Variants in CALCOCO2 observed in about 807,000 individuals in gnomAD.
CALCOCO2 encodes calcium-binding and coiled-coil domain-containing protein 2.
A neutral mutation model predicts 62.5 loss-of-function variants in CALCOCO2; 42 were observed. The ratio of observed to expected loss-of-function variants is 0.67; its 90% confidence interval spans 0.53 to 0.87. CALCOCO2 has a LOEUF of 0.87. Ranked by LOEUF, CALCOCO2 falls within the 40% of genes least tolerant of loss-of-function variation. CALCOCO2 has a pLI of 0.00. For synonymous variants in CALCOCO2, 167 were observed against 173.0 expected (o/e 0.97, Z 0.27); for missense variants, 456 against 515.0 (o/e 0.89, Z 1.11).
rs1567752459 is a variant in CALCOCO2, at chr17:48,845,323, GT to G, written c.181-2740del. On this transcript the variant is annotated intron_variant, in intron 2 of 12. Transcript: ENST00000258947. Reference sequence around the variant, plus strand: ...ACTATGCTAGGCCTATGTTGAGGGTGTGTGTGTGTGTGTGTGTGTGTGTGTG... The same window carrying G: ...ACTATGCTAGGCCTATGTTGAGGGTGGTGTGTGTGTGTGTGTGTGTGTGTG... Among the ~76,000 whole-genome samples, 14 of 81,648 alleles carry G rather than the reference GT, an allele frequency of 1.7e-4. No homozygotes were observed. In the East Asian group the frequency reaches 0.01, roughly 59 times the overall value. The allele number at this position is 81,648 out of a possible 152,430, so 53.6% of individuals were successfully genotyped here.
At chr17:48,850,802 C>T (rs547382012) in intron 5 of CALCOCO2, among the ~76,000 whole-genome samples, 1 of 151,948 alleles carries the variant, frequency 6.6e-6, no homozygotes, top group East Asian at 1.9e-4. Flanking sequence ...CCTGTAATCC[C>T]AGCACTTTGG....
At chr17:48,848,741 A>G in intron 4 of CALCOCO2, 2 of 559,296 alleles carry the variant, frequency 3.6e-6, no homozygotes, top group Non-Finnish European at 6.7e-6. Flanking sequence ...ATCTTATCAC[A>G]ATGGTAAATG....
chr17:48,852,573 A>C lies in CALCOCO2; in HGVS notation c.770A>C (p.Gln257Pro). Residue 257 changes from glutamine to proline, a missense_variant, in exon 8 of 13, where the codon CAG becomes CCG. This residue lies in a region of CALCOCO2 where 236 missense variants were observed against 225.3 expected (regional missense o/e 1.05). Transcript: ENST00000258947. ...LVQGDQDKTEQLEQLKKENDH... is the reference protein window; with the variant it reads ...LVQGDQDKTEPLEQLKKENDH... ...CAGGGAGATCAAGATAAGACAGAGC[A>C]GTTAGAGCAGCTGAAAAAGGAAAAT... 6.2e-7 allele frequency: 1 copy of C among 1,612,906 alleles called. No homozygotes were observed. Among genetic ancestry groups the C allele is most frequent in the Non-Finnish European group, 8.5e-7 (1 of 1,178,878 alleles).
intron 1 of CALCOCO2, among the ~76,000 whole-genome samples, chr17:48,840,059 C>T (rs1267105415): frequency 2.0e-5 from 3 of 152,134 alleles, no homozygotes; most frequent in Non-Finnish European, 4.4e-5. Flanking sequence ...AATCCTCTCA[C>T]CTCAGCCTCC....
intron 2 of CALCOCO2, among the ~76,000 whole-genome samples, chr17:48,845,389 G>GTT (rs2040037388): frequency 7.6e-6 from 1 of 132,292 alleles, no homozygotes; most frequent in Non-Finnish European, 1.6e-5. Context: ...GTGTGTGTGT[G>GTT]TGTGTGTGTG....
At chr17:48,845,006 C>G (rs1291595565) in intron 2 of CALCOCO2, among the ~76,000 whole-genome samples, 1 of 151,948 alleles carries the variant, frequency 6.6e-6, no homozygotes, top group East Asian at 2.0e-4. Context: ...CGTGGTGGCA[C>G]CCACCTGTAG....
At chr17:48,842,774 G>A (rs1316054105) in intron 2 of CALCOCO2, 1 of 152,034 alleles carries the variant, frequency 6.6e-6, no homozygotes, top group Admixed American at 6.6e-5. Context: ...CAGAGTAGCT[G>A]GGATTATAGG....
At chr17:48,835,403 G>A (rs1242743966) in intron 1 of CALCOCO2, among the ~76,000 whole-genome samples, 2 of 152,120 alleles carry the variant, frequency 1.3e-5, no homozygotes, top group Non-Finnish European at 2.9e-5. Flanking sequence ...CTTGGCAGAG[G>A]AGAATTTTAA....
intron 1 of CALCOCO2, among the ~76,000 whole-genome samples, chr17:48,838,163 G>A (rs995348642): frequency 2.0e-5 from 3 of 151,954 alleles, no homozygotes; most frequent in Admixed American, 6.6e-5. Flanking sequence ...TGAGAGGGTC[G>A]TGATCAATTG....
rs1359356449 is a variant in CALCOCO2, at chr17:48,860,412, A to G, written c.1107A>G (p.Arg369=). The change falls in exon 11 of 13, where the codon AGA becomes AGG. Residue 369 remains arginine, a synonymous_variant. Coordinates refer to ENST00000258947, the MANE Select transcript of CALCOCO2 (RefSeq NM_005831.5). The part of the protein sequence containing the change: ...QVPTSDEGGA[R]QNPGLAYGNP... ...CTACTTCAGATGAAGGAGGCGCAAGACAAAATCCAGGACTTGCCTATGGAA... is the reference window on the plus strand; with the variant it reads ...CTACTTCAGATGAAGGAGGCGCAAGGCAAAATCCAGGACTTGCCTATGGAA... 1 of 1,614,082 alleles carries G rather than the reference A, an allele frequency of 6.2e-7. No homozygotes were observed. Among genetic ancestry groups the G allele is most frequent in the South Asian group, 1.1e-5 (1 of 91,078 alleles).
At chr17:48,858,222 T>C (rs962779400) in intron 10 of CALCOCO2, among the ~76,000 whole-genome samples, 3 of 152,122 alleles carry the variant, frequency 2.0e-5, no homozygotes, top group East Asian at 3.8e-4. Flanking sequence ...TTTCTACTTT[T>C]GATTATATCA....
chr17:48,849,733 G>A (rs1462362026), intron 5 of CALCOCO2, among the ~76,000 whole-genome samples: 3 of 151,868 alleles, frequency 2.0e-5, no homozygotes, highest in Non-Finnish European at 4.4e-5. Flanking sequence ...CGCACTCCTG[G>A]CCTCAGGTGA....
chr17:48,840,092 T>G (rs2039956459), intron 1 of CALCOCO2, among the ~76,000 whole-genome samples: 1 of 152,120 alleles, frequency 6.6e-6, no homozygotes, highest in Non-Finnish European at 1.5e-5. Context: ...ACTACAGGCA[T>G]GCACTACCCT....
Position 48,856,162 on chromosome 17 carries a change from A to G in CALCOCO2, c.983A>G (p.Lys328Arg). 6.3e-7 allele frequency: 1 copy of G among 1,599,538 alleles called. No homozygotes were observed. The highest frequency in any genetic ancestry group is 8.6e-7 in the Non-Finnish European group (1 of 1,167,622). The change falls in exon 10 of 13, where the codon AAA becomes AGA. Residue 328 changes from lysine (K) to arginine (R), a missense_variant. Around this residue, in one of 3 missense-constraint regions of CALCOCO2, gnomAD observed 172 missense variants for 210.3 expected, o/e 0.82. Coordinates refer to ENST00000258947, the MANE Select transcript of CALCOCO2 (RefSeq NM_005831.5). ...ATATGTAATGCTCTGCAGAGACAGA[A>G]AGAGAGATTGGAAGGAGAAAATGAT... is the stretch of plus-strand genomic sequence containing the variant. The part of the protein sequence containing the change: ...EIICNALQRQ[K>R]ERLEGENDLL...
intron 10 of CALCOCO2, among the ~76,000 whole-genome samples, chr17:48,859,841 T>A (rs1052879725): frequency 3.9e-5 from 6 of 152,068 alleles, no homozygotes; most frequent in Non-Finnish European, 7.4e-5. Flanking sequence ...ACACCTGTAA[T>A]CTCGACACTT....
At chr17:48,857,986 A>ATAGAG (rs1555573810) in intron 10 of CALCOCO2, among the ~76,000 whole-genome samples, 1 of 18,820 alleles carries the variant, frequency 5.3e-5, no homozygotes, top group African/African-American at 1.4e-4. Flanking sequence ...ATAGAATAGA[A>ATAGAG]TAGAATAGAA....
At chr17:48,851,493 CT>C in intron 6 of CALCOCO2, 65 bp from the exon 7 acceptor site, 1 of 930,014 alleles carries the variant, frequency 1.1e-6, no homozygotes, top group Non-Finnish European at 1.8e-6. Flanking sequence ...CCTTAAATCA[CT>C]TAAGGCCAGG....
At chr17:48,836,602 G>A (rs774719545) in intron 1 of CALCOCO2, among the ~76,000 whole-genome samples, 4 of 152,092 alleles carry the variant, frequency 2.6e-5, no homozygotes, top group Non-Finnish European at 4.4e-5. Flanking sequence ...GAAAAGAAAT[G>A]GGGATAAGGT....
intron 11 of CALCOCO2, 128 bp from the exon 12 acceptor site, chr17:48,862,148 G>C: frequency 1.3e-6 from 1 of 752,890 alleles, no homozygotes; most frequent in South Asian, 1.4e-5. Context: ...ATATATGAGA[G>C]AGAAAGAATC....
Sources: allele counts gnomAD v4.1 joint callset (sites outside exome capture counted in the v4.1 genomes callset), GRCh38; gene constraint gnomAD v4.1.1; regional missense constraint gnomAD v4.1.1; transcripts MANE v1.5; gene names NCBI Gene and HGNC (gene_info 2026-07-23, HGNC 2026-07-21).